Variants in LRMDA observed in about 807,000 individuals in gnomAD.
The protein encoded by LRMDA is leucine-rich melanocyte differentiation-associated protein.
LRMDA carries 18 observed loss-of-function variants against 29.8 expected under a neutral mutation model. That is an observed-to-expected ratio of 0.60 (90% CI 0.42 to 0.90). The LOEUF (loss-of-function observed/expected upper bound fraction) is 0.90. Ranked by LOEUF, LRMDA falls within the 40% of genes least tolerant of loss-of-function variation. LRMDA has a pLI of 0.00. For synonymous variants in LRMDA, 125 were observed against 109.4 expected (o/e 1.14, Z -0.89); for missense variants, 273 against 273.9 (o/e 1.00, Z 0.02).
chr10:75,621,199 T>TACAC (rs753933285), intron 2 of LRMDA, among the ~76,000 whole-genome samples: 2,513 of 136,632 alleles, frequency 0.018, 20 homozygotes, highest in African/African-American at 0.022. Flanking sequence ...AGTATTCCAT[T>TACAC]ACACACACAC....
chr10:75,988,532 T>G (rs1847302346), intron 2 of LRMDA, among the ~76,000 whole-genome samples: 1 of 142,868 alleles, frequency 7.0e-6, no homozygotes, highest in Non-Finnish European at 1.5e-5. Context: ...CACCCCCAGC[T>G]CTCTTTTCAT....
chr10:76,493,191 C>A (rs1464760004), intron 6 of LRMDA, among the ~76,000 whole-genome samples: 1 of 152,028 alleles, frequency 6.6e-6, no homozygotes, highest in East Asian at 1.9e-4. Context: ...ATTTATTGCA[C>A]CTAAGCTGGC....
intron 2 of LRMDA, among the ~76,000 whole-genome samples, chr10:75,937,377 A>G (rs1846313816): frequency 6.6e-6 from 1 of 152,226 alleles, no homozygotes; most frequent in African/African-American, 2.4e-5. Flanking sequence ...CTGCTGTTGT[A>G]TCACAATTCC....
At chr10:75,773,914 G>A (rs1843275414) in intron 2 of LRMDA, among the ~76,000 whole-genome samples, 1 of 152,180 alleles carries the variant, frequency 6.6e-6, no homozygotes, top group African/African-American at 2.4e-5. Context: ...TTCACATCTT[G>A]TGTGTTTCTC....
chr10:75,813,048 G>A (rs781214047), intron 2 of LRMDA, among the ~76,000 whole-genome samples: 5 of 152,264 alleles, frequency 3.3e-5, no homozygotes, highest in Admixed American at 1.3e-4. Context: ...AGAGTTACAC[G>A]GCTCCTGGGA....
At chr10:75,997,258 A>C (rs1357585699) in intron 2 of LRMDA, among the ~76,000 whole-genome samples, 2 of 152,168 alleles carry the variant, frequency 1.3e-5, no homozygotes, top group Non-Finnish European at 2.9e-5. Context: ...TTTAAATTTG[A>C]GATCCTTCTA....
chr10:76,486,227 TATCCATA>T (rs1842780935), intron 6 of LRMDA, among the ~76,000 whole-genome samples: 2 of 151,960 alleles, frequency 1.3e-5, no homozygotes, highest in South Asian at 2.1e-4. Flanking sequence ...CACCCAGTGA[TATCCATA>T]CCGCAAGTTC....
intron 6 of LRMDA, among the ~76,000 whole-genome samples, chr10:76,334,707 A>ATTGGGTTT (rs1381231349): frequency 6.6e-6 from 1 of 152,062 alleles, no homozygotes; most frequent in Admixed American, 6.5e-5. Context: ...AGGGTGTGGT[A>ATTGGGTTT]TTGGGCTTTT....
intron 6 of LRMDA, among the ~76,000 whole-genome samples, chr10:76,325,182 A>G (rs546772248): frequency 9.8e-5 from 15 of 152,336 alleles, no homozygotes; most frequent in African/African-American, 3.4e-4. Context: ...CTATTCTAGC[A>G]TTGTCATCCC....
chr10:76,164,839 A>G (rs927469938), intron 5 of LRMDA, among the ~76,000 whole-genome samples: 3 of 152,178 alleles, frequency 2.0e-5, no homozygotes, highest in African/African-American at 7.2e-5. Context: ...TGGAGGCACC[A>G]CTCAGACCTT....
intron 2 of LRMDA, among the ~76,000 whole-genome samples, chr10:75,774,188 A>T (rs1373150016): frequency 6.6e-6 from 1 of 152,168 alleles, no homozygotes; most frequent in Non-Finnish European, 1.5e-5. Flanking sequence ...ATAAAAAATA[A>T]TTTATCTCAC....
chr10:76,188,555 G>C (rs1042796474), intron 5 of LRMDA, among the ~76,000 whole-genome samples: 8 of 152,152 alleles, frequency 5.3e-5, no homozygotes, highest in African/African-American at 1.7e-4. Context: ...CCAGATGGTG[G>C]AATGTGTCTA....
At chr10:76,340,087 G>A (rs1454897215) in intron 6 of LRMDA, among the ~76,000 whole-genome samples, 5 of 152,052 alleles carry the variant, frequency 3.3e-5, no homozygotes, top group African/African-American at 7.2e-5. Flanking sequence ...TTAAAAAATA[G>A]TACTTCCTGA....
intron 6 of LRMDA, among the ~76,000 whole-genome samples, chr10:76,413,577 A>G (rs1184236890): frequency 6.6e-6 from 1 of 152,190 alleles, no homozygotes; most frequent in Non-Finnish European, 1.5e-5. Context: ...CCCTCCCACA[A>G]CACATGGGAA....
At chr10:75,797,904 C>T (rs915364148) in intron 2 of LRMDA, among the ~76,000 whole-genome samples, 6 of 152,130 alleles carry the variant, frequency 3.9e-5, no homozygotes, top group Non-Finnish European at 8.8e-5. Flanking sequence ...AGACTGAATT[C>T]TAAAATGACT....
intron 5 of LRMDA, among the ~76,000 whole-genome samples, chr10:76,204,285 G>A (rs961285730): frequency 4.5e-5 from 6 of 134,132 alleles, no homozygotes; most frequent in African/African-American, 1.8e-4. Flanking sequence ...TTTATTTCAT[G>A]TGCCTGTCCA....
At chr10:75,555,272 A>G (rs968186472) in intron 2 of LRMDA, among the ~76,000 whole-genome samples, 2 of 152,160 alleles carry the variant, frequency 1.3e-5, no homozygotes, top group South Asian at 2.1e-4. Context: ...TGAATTTCTC[A>G]TTTTCTACAG....
chr10:76,216,711 A>G (rs1308276165), intron 5 of LRMDA, among the ~76,000 whole-genome samples: 2 of 152,230 alleles, frequency 1.3e-5, no homozygotes, highest in African/African-American at 4.8e-5. Flanking sequence ...TGAGAGTACA[A>G]ATTGGCACAA....
At chr10:76,157,178 A>T (rs1053997339) in intron 5 of LRMDA, among the ~76,000 whole-genome samples, 7 of 152,204 alleles carry the variant, frequency 4.6e-5, no homozygotes, top group Non-Finnish European at 1.0e-4. Flanking sequence ...GATCAAGGTA[A>T]ATTTAGGACC....
Sources: gnomAD v4.1 joint callset for allele counts (sites outside exome capture counted in the v4.1 genomes callset) on GRCh38, gnomAD v4.1.1 for gene constraint, MANE v1.5 for transcripts, NCBI Gene and HGNC (gene_info 2026-07-23, HGNC 2026-07-21) for gene names.